The following GNAO1 variants were observed in gnomAD, a reference collection of about 807,000 sequenced individuals.
GNAO1 encodes guanine nucleotide-binding protein G(o) subunit alpha.
For missense variants in GNAO1, 166 were observed against 478.7 expected, an observed-to-expected ratio of 0.35 and a Z score of 6.10; for synonymous variants, 164 against 180.7, an observed-to-expected ratio of 0.91 and a Z score of 0.74.
Position 56,191,809 on chromosome 16 carries a change from G to C in GNAO1, c.-427G>C, listed in dbSNP as rs1354808562. 1.9e-5 allele frequency: 4 copies of C among 210,008 alleles called. No homozygotes were observed. Among genetic ancestry groups the C allele is most frequent in the Non-Finnish European group, 3.7e-5 (4 of 106,754 alleles). 13.0% of individuals were successfully genotyped at this position (210,008 alleles called of 1,614,324 possible). On this transcript the variant is annotated 5_prime_UTR_variant, in exon 1 of 9. Coordinates refer to ENST00000262493, the MANE Select transcript of GNAO1 (RefSeq NM_020988.3). The surrounding 1 kb of genome is among the most constrained non-coding windows in gnomAD (Gnocchi z 4.7). ...CGCCGCCGCCGCCTCCTCCTCCTCC[G>C]GCAGCCGCGGCAGCAGGACCCACCC...
intron 6 of GNAO1, chr16:56,346,067 T>C (rs2037865036): frequency 1.0e-6 from 1 of 985,512 alleles, no homozygotes; most frequent in African/African-American, 1.7e-5. Context: ...CTGCCCTCCA[T>C]CCCCAGCCTG....
intron 2 of GNAO1, among the ~76,000 whole-genome samples, chr16:56,202,473 A>G (rs1322605680): frequency 6.6e-6 from 1 of 152,230 alleles, no homozygotes; most frequent in Non-Finnish European, 1.5e-5. Context: ...GTTCATTTCT[A>G]CATGGGAGTA....
At chr16:56,285,950 C>A (rs966655763) in intron 3 of GNAO1, among the ~76,000 whole-genome samples, 1 of 152,114 alleles carries the variant, frequency 6.6e-6, no homozygotes, top group Non-Finnish European at 1.5e-5. Context: ...ACCAGATATA[C>A]CGTGGAGTAG....
intron 2 of GNAO1, among the ~76,000 whole-genome samples, chr16:56,261,039 A>T (rs2036899036): frequency 6.6e-6 from 1 of 152,230 alleles, no homozygotes; most frequent in Non-Finnish European, 1.5e-5. Flanking sequence ...TGGGGACCTG[A>T]CCCAATGCAG....
chr16:56,306,550 GCT>G (rs1177401292), intron 3 of GNAO1, among the ~76,000 whole-genome samples: 1 of 152,196 alleles, frequency 6.6e-6, no homozygotes, highest in East Asian at 1.9e-4. Flanking sequence ...GGGCTAACCT[GCT>G]GAGGGCTGAG....
intron 2 of GNAO1, among the ~76,000 whole-genome samples, chr16:56,274,959 T>A (rs1043102344): frequency 6.6e-6 from 1 of 152,188 alleles, no homozygotes; most frequent in Non-Finnish European, 1.5e-5. Flanking sequence ...AGAAGAAGAA[T>A]CTTTAGCCAT....
At position 56,192,726 on chromosome 16, in the gene GNAO1, G is replaced by GCACACACACACA; in HGVS notation, c.161+124_161+135dup. 3.5e-6 allele frequency: 2 copies of GCACACACACACA among 564,336 alleles called. 1 individual carries two copies. 35.0% of individuals were successfully genotyped at this position (564,336 alleles called of 1,614,324 possible). A position where few individuals can be genotyped will look rare whatever the true frequency, so the allele number is the denominator to read the frequency against. ...TCTCCAGGCCTGTTTTTTAATTCGT[G>GCACACACACACA]CACACACACACACACACACACACAC... is the stretch of plus-strand genomic sequence containing the variant. On this transcript the variant is annotated intron_variant, in intron 2 of 8. Coordinates refer to ENST00000262493, the MANE Select transcript of GNAO1 (RefSeq NM_020988.3).
At chr16:56,274,892 A>G (rs1304011299) in intron 2 of GNAO1, among the ~76,000 whole-genome samples, 3 of 152,218 alleles carry the variant, frequency 2.0e-5, no homozygotes, top group Admixed American at 2.0e-4. Context: ...TGTATACTTT[A>G]AGTAGGTAGA....
chr16:56,209,681 T>C (rs1215300473), intron 2 of GNAO1, among the ~76,000 whole-genome samples: 1 of 152,216 alleles, frequency 6.6e-6, no homozygotes, highest in Non-Finnish European at 1.5e-5. Context: ...CTCATGTACT[T>C]TTTGTTAGAT....
intron 3 of GNAO1, among the ~76,000 whole-genome samples, chr16:56,279,247 T>G (rs2037092627): frequency 6.6e-6 from 1 of 152,206 alleles, no homozygotes; most frequent in Non-Finnish European, 1.5e-5. Flanking sequence ...GGCAGCTGAC[T>G]CACCACCTGT....
At chr16:56,338,824 T>G (rs1467441362) in intron 6 of GNAO1, among the ~76,000 whole-genome samples, 1 of 117,976 alleles carries the variant, frequency 8.5e-6, no homozygotes, top group Non-Finnish European at 1.8e-5. Flanking sequence ...GTGCTGGGCC[T>G]GGCACTGGGT....
intron 2 of GNAO1, among the ~76,000 whole-genome samples, chr16:56,266,358 G>A (rs2036953852): frequency 6.6e-6 from 1 of 152,208 alleles, no homozygotes; most frequent in East Asian, 1.9e-4. Context: ...CTGGTAAAGA[G>A]CAAAGCTTCT....
intron 2 of GNAO1, among the ~76,000 whole-genome samples, chr16:56,208,453 G>GCA (rs2036352653): frequency 3.4e-5 from 5 of 145,726 alleles, no homozygotes; most frequent in African/African-American, 1.1e-4. Context: ...GTGTGTGCGC[G>GCA]CGCGCGCACG....
chr16:56,209,773 T>C (rs1181972620), intron 2 of GNAO1, among the ~76,000 whole-genome samples: 3 of 152,098 alleles, frequency 2.0e-5, no homozygotes, highest in African/African-American at 7.2e-5. Flanking sequence ...ACAGCAGAAT[T>C]GAGAAAGGGG....
At chr16:56,349,760 C>T (rs568465833) in intron 6 of GNAO1, among the ~76,000 whole-genome samples, 2 of 152,252 alleles carry the variant, frequency 1.3e-5, no homozygotes, top group East Asian at 1.9e-4. Flanking sequence ...GAACGCTGCC[C>T]TCCGCCGACC....
intron 6 of GNAO1, chr16:56,340,678 G>A (rs1179183352): frequency 2.9e-6 from 2 of 689,104 alleles, no homozygotes; most frequent in East Asian, 2.5e-5. Flanking sequence ...CTGTCCTTGT[G>A]GGTCCTCCCG....
intron 2 of GNAO1, among the ~76,000 whole-genome samples, chr16:56,225,973 C>T (rs1214632997): frequency 6.6e-6 from 1 of 151,730 alleles, no homozygotes; most frequent in Non-Finnish European, 1.5e-5. Context: ...GGGGAAAAAG[C>T]TTTCCAAGCA....
intron 3 of GNAO1, among the ~76,000 whole-genome samples, chr16:56,324,321 G>T (rs880788): frequency 0.032 from 4,917 of 152,250 alleles, 100 homozygotes; most frequent in South Asian, 0.086. Context: ...TGATCCTCAG[G>T]TCCAGGGAAG....
At chr16:56,206,164 CA>C (rs2036325754) in intron 2 of GNAO1, among the ~76,000 whole-genome samples, 1 of 151,780 alleles carries the variant, frequency 6.6e-6, no homozygotes, top group Non-Finnish European at 1.5e-5. Flanking sequence ...ACAAAAAATA[CA>C]AAACATTAGC....
Sources: allele counts gnomAD v4.1 joint callset (sites outside exome capture counted in the v4.1 genomes callset), GRCh38; gene constraint gnomAD v4.1.1; non-coding constraint Gnocchi (gnomAD v3.1); transcripts MANE v1.5; gene names NCBI Gene and HGNC (gene_info 2026-07-23, HGNC 2026-07-21).